Variants in MAP3K2 observed in about 807,000 individuals in gnomAD.
MAP3K2 encodes the protein MAP/ERK kinase kinase 2.
A neutral mutation model predicts 80.3 loss-of-function variants in MAP3K2; 24 were observed. The observed-to-expected ratio is 0.30, with a 90% CI of 0.22 to 0.42. The LOEUF (loss-of-function observed/expected upper bound fraction) is 0.42. MAP3K2 is among the 10% of genes least tolerant of loss of function. MAP3K2 has a pLI of 1.00. For synonymous variants in MAP3K2, 244 were observed against 253.7 expected, an observed-to-expected ratio of 0.96 and a Z score of 0.36; for missense variants, 608 against 750.1, an observed-to-expected ratio of 0.81 and a Z score of 2.21.
intron 1 of MAP3K2, among the ~76,000 whole-genome samples, chr2:127,379,376 A>C (rs1269060710): frequency 6.6e-6 from 1 of 152,174 alleles, no homozygotes; most frequent in Admixed American, 6.5e-5. Context: ...ACCTCATTTA[A>C]AAACCCCATG....
chr2:127,367,999 T>G (rs1687000255), intron 1 of MAP3K2, among the ~76,000 whole-genome samples: 2 of 152,004 alleles, frequency 1.3e-5, no homozygotes, highest in Admixed American at 1.3e-4. Context: ...GATAACAAAA[T>G]CTGCAAATGC....
intron 1 of MAP3K2, among the ~76,000 whole-genome samples, chr2:127,374,421 C>T (rs1356225549): frequency 6.6e-6 from 1 of 152,174 alleles, no homozygotes; most frequent in Non-Finnish European, 1.5e-5. Context: ...CACTGCCTGA[C>T]CAAGCCACCC....
At chr2:127,324,776 A>G (rs1287855588) in intron 9 of MAP3K2, among the ~76,000 whole-genome samples, 1 of 152,158 alleles carries the variant, frequency 6.6e-6, no homozygotes, top group Non-Finnish European at 1.5e-5. Context: ...AATATTAGTT[A>G]TTTTTTTCAG....
upstream of MAP3K2, chr2:127,388,048 A>AC: frequency 2.0e-6 from 2 of 981,660 alleles, no homozygotes; most frequent in Non-Finnish European, 2.4e-6. Flanking sequence ...CGGTAGCGGA[A>AC]CCCGCCGCGG....
At chr2:127,320,131 A>C (rs963097394) in intron 12 of MAP3K2, among the ~76,000 whole-genome samples, 2 of 152,212 alleles carry the variant, frequency 1.3e-5, no homozygotes, top group Non-Finnish European at 2.9e-5. Flanking sequence ...GACACAAAAA[A>C]GCAACCCTTC....
At position 127,321,252 on chromosome 2, in the gene MAP3K2, CTTTG is replaced by C. The variant is rs901052828; in HGVS notation, c.1045+790_1045+793del. Among the ~76,000 whole-genome samples, 1 of 152,084 alleles carries C rather than the reference CTTTG, an allele frequency of 6.6e-6. No homozygotes were observed. Among genetic ancestry groups the C allele is most frequent in the African/African-American group, 2.4e-5 (1 of 41,426 alleles). On this transcript the variant is annotated intron_variant, in intron 12 of 16. Transcript: ENST00000682094. The surrounding 1 kb of genome is among the most constrained non-coding windows in gnomAD (Gnocchi z 4.4). ...GATACCCAATAGATCTTGGATCTGTCTTTGTTTATACAGATTTTGGATATATACA... is the reference window on the plus strand; with the variant it reads ...GATACCCAATAGATCTTGGATCTGTCTTTATACAGATTTTGGATATATACA...
intron 1 of MAP3K2, among the ~76,000 whole-genome samples, chr2:127,345,365 C>T (rs1419921103): frequency 6.6e-6 from 1 of 152,048 alleles, no homozygotes; most frequent in Non-Finnish European, 1.5e-5. Flanking sequence ...ACAACAGAAT[C>T]GCAAAATACA....
chr2:127,349,118 T>C (rs1481419142), intron 1 of MAP3K2, among the ~76,000 whole-genome samples: 1 of 152,144 alleles, frequency 6.6e-6, no homozygotes, highest in Non-Finnish European at 1.5e-5. Flanking sequence ...TAAAAATTAT[T>C]AACACAGAAT....
chr2:127,344,673 A>C (rs1686562661), intron 1 of MAP3K2, among the ~76,000 whole-genome samples: 1 of 152,142 alleles, frequency 6.6e-6, no homozygotes, highest in Non-Finnish European at 1.5e-5. Context: ...AAAACATTTA[A>C]AAAATTGTAT....
chr2:127,324,261 C>G lies in MAP3K2; in HGVS notation c.678-20G>C. ...CTCTCTCTATAAAGAAAAAACATCA[C>G]ATTAAGTTTACAGAAAGAACGTAAG... On this transcript the variant is annotated intron_variant, in intron 9 of 16. Transcript: ENST00000682094. The G allele has an allele frequency of 6.9e-7, 1 of 1,446,998 alleles. No homozygotes were observed. Among genetic ancestry groups the G allele is most frequent in the Middle Eastern group, 1.7e-4 (1 of 5,718 alleles). 89.6% of individuals were successfully genotyped at this position (1,446,998 alleles called of 1,614,324 possible).
At chr2:127,311,967 G>A (rs184356037) in intron 15 of MAP3K2, among the ~76,000 whole-genome samples, 36 of 152,062 alleles carry the variant, frequency 2.4e-4, no homozygotes, top group Admixed American at 7.9e-4. Flanking sequence ...TGCTGACTGC[G>A]TCCCAAAGAA....
intron 1 of MAP3K2, among the ~76,000 whole-genome samples, chr2:127,372,804 G>T (rs923784066): frequency 1.4e-4 from 21 of 152,064 alleles, no homozygotes; most frequent in Admixed American, 1.3e-3. Context: ...TTAGTTGAGG[G>T]GCAACTAAAA....
At position 127,358,931 on chromosome 2, in the gene MAP3K2, A is replaced by T. The variant is rs1686838870; in HGVS notation, c.-65-15737T>A. ...CTCCAAAACAATAAAAAAAAAAAAA[A>T]ATTTTTAAAAGGCTAGATACTATTG... On this transcript the variant is annotated intron_variant, in intron 1 of 16. Transcript: ENST00000682094. 1.3e-5 allele frequency among the ~76,000 whole-genome samples: 2 copies of T among 151,762 alleles called. 1 individual carries two copies. Among genetic ancestry groups the T allele is most frequent in the Non-Finnish European group, 2.9e-5 (2 of 68,018 alleles).
chr2:127,348,030 A>G (rs1044174740), intron 1 of MAP3K2, among the ~76,000 whole-genome samples: 2 of 152,158 alleles, frequency 1.3e-5, no homozygotes, highest in Non-Finnish European at 2.9e-5. Context: ...CACTATTTAT[A>G]AGAACCCAAA....
At chr2:127,368,270 C>T (rs1443114535) in intron 1 of MAP3K2, among the ~76,000 whole-genome samples, 1 of 150,536 alleles carries the variant, frequency 6.6e-6, no homozygotes, top group Non-Finnish European at 1.5e-5. Flanking sequence ...TGCAGTGAGC[C>T]GAGATCACAC....
At chr2:127,317,117 C>G (rs1176431149) in intron 14 of MAP3K2, 1 of 144,170 alleles carries the variant, frequency 6.9e-6, no homozygotes, top group Non-Finnish European at 1.5e-5. Flanking sequence ...ATCCTCTTCT[C>G]TTTGTCAAAT....
intron 1 of MAP3K2, among the ~76,000 whole-genome samples, chr2:127,353,624 G>T (rs886342694): frequency 8.0e-5 from 12 of 150,820 alleles, no homozygotes; most frequent in African/African-American, 2.7e-4. Flanking sequence ...AGGTGGGGGG[G>T]GTCAAACCCC....
At chr2:127,362,976 T>C (rs934592961) in intron 1 of MAP3K2, among the ~76,000 whole-genome samples, 1 of 152,226 alleles carries the variant, frequency 6.6e-6, no homozygotes, top group Non-Finnish European at 1.5e-5. Flanking sequence ...ACAAATTTAA[T>C]TTAAAATAAT....
rs1271002534 is a variant in MAP3K2 at position 127,304,776 on chromosome 2, G to A, written c.*2803C>T. 1 of 152,096 alleles carries A rather than the reference G, an allele frequency of 6.6e-6. No individual in the cohort carries two copies. The allele number at this position is 152,096 out of a possible 1,614,324, so 9.4% of individuals were successfully genotyped here. On this transcript the variant is annotated 3_prime_UTR_variant, in exon 17 of 17. Transcript: ENST00000682094. ...AATTTCTTTTTTAAATTTACTTTTG[G>A]TCTTCCATACCCTCCACCCCCACAC...
Sources: allele counts gnomAD v4.1 joint callset (sites outside exome capture counted in the v4.1 genomes callset), GRCh38; gene constraint gnomAD v4.1.1; non-coding constraint Gnocchi (gnomAD v3.1); transcripts MANE v1.5; gene names NCBI Gene and HGNC (gene_info 2026-07-23, HGNC 2026-07-21).